Variants in ANGPT1 observed in about 807,000 individuals in gnomAD.
ANGPT1 encodes angiopoietin 1.
A neutral mutation model predicts 62.2 loss-of-function variants in ANGPT1; 17 were observed. That is an observed-to-expected ratio of 0.27 (90% CI 0.19 to 0.41). The LOEUF (loss-of-function observed/expected upper bound fraction) is 0.41, where lower values mean the gene tolerates loss of function less well. Among genes scored for constraint, ANGPT1 ranks in the 10% least tolerant of loss-of-function variants. ANGPT1 has a pLI of 1.00. For missense variants in ANGPT1, 478 were observed against 594.9 expected (o/e 0.80, Z 2.04); for synonymous variants, 199 against 198.9 (o/e 1.00, Z 0.00).
chr8:107,425,044 T>G (rs1287164830), intron 1 of ANGPT1, among the ~76,000 whole-genome samples: 6 of 152,066 alleles, frequency 3.9e-5, no homozygotes, highest in African/African-American at 1.4e-4. Context: ...CCAGCTAATT[T>G]TTGTATTTTT....
At chr8:107,465,107 G>A (rs1432880940) in intron 1 of ANGPT1, among the ~76,000 whole-genome samples, 2 of 152,082 alleles carry the variant, frequency 1.3e-5, no homozygotes, top group African/African-American at 4.8e-5. Context: ...AGTTGGAATG[G>A]AAAGATTCAG....
chr8:107,365,512 T>C (rs1283660), intron 1 of ANGPT1, among the ~76,000 whole-genome samples: 63,854 of 151,966 alleles, frequency 0.42, 15,641 homozygotes, highest in Admixed American at 0.55. Context: ...TCACCATTAA[T>C]GCATCTGCAA....
chr8:107,370,408 G>GGAAGA (rs1554587007), intron 1 of ANGPT1, among the ~76,000 whole-genome samples: 1 of 62,338 alleles, frequency 1.6e-5, no homozygotes, highest in African/African-American at 4.4e-5. Context: ...AAGAAAGAAA[G>GGAAGA]AGTCAGGGTC....
rs369522323 is a variant in ANGPT1 at position 107,342,659 on chromosome 8, C to G, written c.453+4283G>C. Among the ~76,000 whole-genome samples, 60 of 152,164 alleles carry G rather than the reference C, an allele frequency of 3.9e-4. 1 individual carries two copies. The South Asian group carries it at 0.012, about 31-fold the overall frequency. ...TCCTAGTGGCTTATCAAACAATTTT[C>G]CTAAACCTTGTAAGAAAACTAATTA... is the stretch of plus-strand genomic sequence containing the variant. On this transcript the variant is annotated intron_variant, in intron 2 of 8. Coordinates refer to ENST00000517746, the MANE Select transcript of ANGPT1 (RefSeq NM_001146.5).
chr8:107,458,878 G>A (rs1811991871), intron 1 of ANGPT1, among the ~76,000 whole-genome samples: 1 of 151,972 alleles, frequency 6.6e-6, no homozygotes. Flanking sequence ...CTTTACATAT[G>A]ACATACGACA....
At position 107,322,036 on chromosome 8, in the gene ANGPT1, A is replaced by T; in HGVS notation, c.668T>A (p.Val223Asp). 1 of 1,613,934 alleles carries T rather than the reference A, an allele frequency of 6.2e-7. No individual in the cohort carries two copies. Among genetic ancestry groups the T allele is most frequent in the Non-Finnish European group, 8.5e-7 (1 of 1,179,900 alleles). Residue 223 changes from valine to aspartate, a missense_variant, in exon 4 of 9, where the codon GTT (valine) becomes GAT (aspartate). Val to Asp is a radical substitution (Grantham distance 152). Transcript: ENST00000517746. ...CTGGATTATATATGTTTGACGAGTA[A>T]CCAAGCCTTGAAGGTTCTCTTTCTC... ...KEEKENLQGL[V>D]TRQTYIIQEL...
At chr8:107,440,376 T>G (rs1227291222) in intron 1 of ANGPT1, among the ~76,000 whole-genome samples, 1 of 152,208 alleles carries the variant, frequency 6.6e-6, no homozygotes, top group Non-Finnish European at 1.5e-5. Flanking sequence ...TTGAGAAAAT[T>G]CTGATCCAAT....
chr8:107,261,314 T>C (rs1324668383), intron 8 of ANGPT1, among the ~76,000 whole-genome samples: 1 of 151,526 alleles, frequency 6.6e-6, no homozygotes, highest in Admixed American at 6.6e-5. Flanking sequence ...GTTTTGGGGG[T>C]GAGGGCTGAG....
rs143814809 is a variant in ANGPT1, at chr8:107,261,521, C to T, written c.1336+2700G>A. ...GAGATTCAGACCATCCTGGCTAACA[C>T]AGTGAAACCCTGTCTCTAGTAAAAA... On this transcript the variant is annotated intron_variant, in intron 8 of 8. Coordinates refer to ENST00000517746, the MANE Select transcript of ANGPT1 (RefSeq NM_001146.5). Among the ~76,000 whole-genome samples, 734 of 151,820 alleles carry T rather than the reference C, an allele frequency of 4.8e-3. 3 individuals carry two copies. The highest frequency in any genetic ancestry group is 0.017 in the African/African-American group (696 of 41,396).
At chr8:107,471,200 G>C (rs1391345346) in intron 1 of ANGPT1, among the ~76,000 whole-genome samples, 1 of 152,094 alleles carries the variant, frequency 6.6e-6, no homozygotes, top group Non-Finnish European at 1.5e-5. Context: ...ATACACCATG[G>C]AATACTATGC....
intron 1 of ANGPT1, among the ~76,000 whole-genome samples, chr8:107,436,409 G>A (rs1811335269): frequency 6.6e-6 from 1 of 152,142 alleles, no homozygotes; most frequent in African/African-American, 2.4e-5. Flanking sequence ...GTTCTTTTGG[G>A]CTTTGGTGCC....
chr8:107,271,060 C>G lies in ANGPT1; in HGVS notation c.1206-6709G>C, dbSNP rs145881388. 2.6e-5 allele frequency among the ~76,000 whole-genome samples: 4 copies of G among 152,116 alleles called. No homozygotes were observed. The East Asian group carries it at 7.7e-4, about 29-fold the overall frequency. The stretch of plus-strand genomic sequence containing the variant: ...TATAAAGCCATTAACCAAAACTCTT[C>G]CTTTTTTCCTCCTCCTCCACACACA... On this transcript the variant is annotated intron_variant, in intron 7 of 8. Transcript: ENST00000517746.
chr8:107,259,865 A>T (rs1279657531), intron 8 of ANGPT1, among the ~76,000 whole-genome samples: 1 of 152,096 alleles, frequency 6.6e-6, no homozygotes, highest in East Asian at 1.9e-4. Context: ...ACAATCTAGT[A>T]ACAAAAATTT....
chr8:107,428,237 A>T (rs1282817105), intron 1 of ANGPT1, among the ~76,000 whole-genome samples: 3 of 152,190 alleles, frequency 2.0e-5, no homozygotes, highest in African/African-American at 7.2e-5. Flanking sequence ...TTATGTTTCC[A>T]TCTATTACCC....
intron 3 of ANGPT1, among the ~76,000 whole-genome samples, chr8:107,324,895 C>T (rs1231048696): frequency 6.6e-6 from 1 of 152,092 alleles, no homozygotes; most frequent in Non-Finnish European, 1.5e-5. Flanking sequence ...GAGAAAGGAG[C>T]CCTGCCCTGC....
rs76734272 is a variant in ANGPT1, at chr8:107,437,686, C to G, written c.297+59576G>C. Among the ~76,000 whole-genome samples, 1,186 of 152,186 alleles carry G rather than the reference C, an allele frequency of 7.8e-3. 15 individuals carry two copies. Among genetic ancestry groups the G allele is most frequent in the African/African-American group, 0.028 (1,151 of 41,514 alleles). ...AACATGCTAAAAACATTATTGCAGA[C>G]TTTGTCTTTGTGAGCACTTTCAGTT... On this transcript the variant is annotated intron_variant, in intron 1 of 8. Transcript: ENST00000517746.
At chr8:107,290,269 G>C (rs894796761) in intron 6 of ANGPT1, among the ~76,000 whole-genome samples, 1 of 151,996 alleles carries the variant, frequency 6.6e-6, no homozygotes, top group African/African-American at 2.4e-5. Context: ...AGGAAGGAGA[G>C]AGGAAAGGCA....
chr8:107,286,389 A>T (rs771461204), intron 6 of ANGPT1, among the ~76,000 whole-genome samples: 75 of 152,282 alleles, frequency 4.9e-4, no homozygotes, highest in Non-Finnish European at 1.0e-3. Flanking sequence ...ACTGGGAAAA[A>T]TTTTAAAAAT....
At chr8:107,397,436 G>T (rs938205501) in intron 1 of ANGPT1, among the ~76,000 whole-genome samples, 10 of 122,022 alleles carry the variant, frequency 8.2e-5, no homozygotes, top group Non-Finnish European at 1.1e-4. Flanking sequence ...CCTCAAAAAT[G>T]TTGCTTGTGT....
Sources: gnomAD v4.1 joint callset for allele counts (sites outside exome capture counted in the v4.1 genomes callset) on GRCh38, gnomAD v4.1.1 for gene constraint, MANE v1.5 for transcripts, NCBI Gene and HGNC (gene_info 2026-07-23, HGNC 2026-07-21) for gene names.